EBF1: variants seen among roughly 807,000 people sequenced by gnomAD.
EBF1 encodes EBF transcription factor 1, also known as transcription factor COE1.
EBF1 carries 10 observed loss-of-function variants against 68.4 expected under a neutral mutation model. That is an observed-to-expected ratio of 0.15 (90% CI 0.09 to 0.25). EBF1 has a LOEUF of 0.25. Ranked by LOEUF, EBF1 falls within the 10% of genes least tolerant of loss-of-function variation. EBF1 has a pLI of 1.00. For synonymous variants in EBF1, 298 were observed against 299.8 expected, an observed-to-expected ratio of 0.99 and a Z score of 0.06; for missense variants, 509 against 794.4, an observed-to-expected ratio of 0.64 and a Z score of 4.32.
At chr5:158,874,886 TTCTC>T (rs1486665865) in intron 6 of EBF1, among the ~76,000 whole-genome samples, 2 of 152,198 alleles carry the variant, frequency 1.3e-5, no homozygotes, top group Non-Finnish European at 2.9e-5. Context: ...TGGTGTTATC[TTCTC>T]TATCAGTAAA....
chr5:159,022,754 C>T (rs925734468), intron 6 of EBF1, among the ~76,000 whole-genome samples: 3 of 151,944 alleles, frequency 2.0e-5, no homozygotes, highest in African/African-American at 2.4e-5. Flanking sequence ...CAATGCAACG[C>T]CACTTGTTTC....
Position 158,796,253 on chromosome 5 carries a change from CTA to C in EBF1, c.909+90_909+91del, listed in dbSNP as rs979214846. Reference sequence around the variant, plus strand: ...AGCTGGCCCACCCAGAGCGGCACCACTAGAGTCTACACATTCTATTAGAAATT... The same window carrying C: ...AGCTGGCCCACCCAGAGCGGCACCACGAGTCTACACATTCTATTAGAAATT... On this transcript the variant is annotated intron_variant, in intron 9 of 15. Coordinates refer to ENST00000313708, the MANE Select transcript of EBF1 (RefSeq NM_024007.5). 42 of 1,363,294 alleles carry C rather than the reference CTA, an allele frequency of 3.1e-5. No individual in the cohort carries two copies. The African/African-American group carries it at 4.5e-4, about 15-fold the overall frequency. The allele number at this position is 1,363,294 out of a possible 1,614,324, so 84.4% of individuals were successfully genotyped here.
intron 11 of EBF1, among the ~76,000 whole-genome samples, chr5:158,719,148 C>T (rs553893967): frequency 6.6e-6 from 1 of 152,108 alleles, no homozygotes; most frequent in South Asian, 2.1e-4. Context: ...CTCTTAAATC[C>T]AATATATAAA....
intron 6 of EBF1, among the ~76,000 whole-genome samples, chr5:158,873,273 T>C (rs1797215238): frequency 6.6e-6 from 1 of 152,120 alleles, no homozygotes; most frequent in South Asian, 2.1e-4. Context: ...AAAGTGCACG[T>C]CTTTACCCCC....
chr5:158,865,563 C>A (rs1047157915), intron 6 of EBF1, among the ~76,000 whole-genome samples: 2 of 152,136 alleles, frequency 1.3e-5, no homozygotes, highest in African/African-American at 2.4e-5. Flanking sequence ...AATGGGATCA[C>A]AATCATTTCC....
At chr5:158,824,790 G>A (rs1785681269) in intron 7 of EBF1, among the ~76,000 whole-genome samples, 2 of 152,216 alleles carry the variant, frequency 1.3e-5, no homozygotes, top group African/African-American at 4.8e-5. Context: ...AGTCCCCACA[G>A]TCTTCCCATA....
intron 6 of EBF1, among the ~76,000 whole-genome samples, chr5:159,063,241 A>G (rs552842228): frequency 6.2e-4 from 95 of 152,314 alleles, no homozygotes; most frequent in Non-Finnish European, 1.1e-3. Flanking sequence ...GCAATACCAC[A>G]AACAGCTAAA....
In EBF1 at chr5:158,834,578, C is replaced by G. The variant is rs188350911; in HGVS notation, c.636+5451G>C. Among the ~76,000 whole-genome samples the G allele has an allele frequency of 1.3e-3, 197 of 152,154 alleles. 1 individual carries two copies. The highest frequency in any genetic ancestry group is 4.5e-3 in the African/African-American group (186 of 41,486). ...ATACTGCCTTAAAGTATGAACACAG[C>G]CCAGCTCTGCAGAAAGTGATTAATT... On this transcript the variant is annotated intron_variant, in intron 7 of 15. Coordinates refer to ENST00000313708, the MANE Select transcript of EBF1 (RefSeq NM_024007.5).
intron 6 of EBF1, among the ~76,000 whole-genome samples, chr5:159,069,989 G>T (rs1454163737): frequency 6.6e-6 from 1 of 152,144 alleles, no homozygotes; most frequent in Non-Finnish European, 1.5e-5. Flanking sequence ...GTGTCAATAT[G>T]TAAAATCAAT....
At chr5:158,846,594 C>T (rs373920939) in intron 6 of EBF1, among the ~76,000 whole-genome samples, 1 of 152,304 alleles carries the variant, frequency 6.6e-6, no homozygotes, top group Admixed American at 6.5e-5. Flanking sequence ...ATGGATCTCC[C>T]TTGCAACAGA....
chr5:159,057,100 TTTTC>T (rs1404153674), intron 6 of EBF1, among the ~76,000 whole-genome samples: 17 of 144,010 alleles, frequency 1.2e-4, no homozygotes, highest in African/African-American at 4.0e-4. Flanking sequence ...TTTTCTTTTC[TTTTC>T]TTTTTTTTTT....
At chr5:158,909,624 T>C (rs1805455238) in intron 6 of EBF1, among the ~76,000 whole-genome samples, 3 of 152,058 alleles carry the variant, frequency 2.0e-5, no homozygotes, top group South Asian at 2.1e-4. Flanking sequence ...ATGAGAGTTC[T>C]TACAGTTACA....
At chr5:158,795,520 T>C (rs902159148) in intron 9 of EBF1, among the ~76,000 whole-genome samples, 1 of 152,214 alleles carries the variant, frequency 6.6e-6, no homozygotes, top group Admixed American at 6.5e-5. Context: ...CTATGGTACC[T>C]TGTAACCCTA....
chr5:158,714,299 C>T (rs1422307557), intron 11 of EBF1, 117 bp from the exon 12 acceptor site: 12 of 1,175,498 alleles, frequency 1.0e-5, no homozygotes, highest in South Asian at 2.6e-5. Context: ...CTATAAAGGC[C>T]GTAGCTTGGG....
At position 158,712,571 on chromosome 5, in the gene EBF1, A is replaced by G. The variant is rs548940804; in HGVS notation, c.1370-238T>C. Among the ~76,000 whole-genome samples the G allele has an allele frequency of 2.0e-5, 3 of 152,318 alleles. No homozygotes were observed. The South Asian group carries it at 6.2e-4, about 32-fold the overall frequency. On this transcript the variant is annotated intron_variant, in intron 13 of 15. Coordinates refer to ENST00000313708, the MANE Select transcript of EBF1 (RefSeq NM_024007.5). ...CTTAGCAGGGCCGTGAGAAATGGCA[A>G]TGCTGGGCCTATAAATTATCATTTT...
intron 6 of EBF1, among the ~76,000 whole-genome samples, chr5:159,073,009 G>T (rs556186409): frequency 1.3e-5 from 2 of 152,270 alleles, no homozygotes; most frequent in Admixed American, 1.3e-4. Flanking sequence ...GTAGCTAAAA[G>T]TGATAATGAT....
chr5:158,895,836 A>C lies in EBF1; in HGVS notation c.555-55726T>G, dbSNP rs552177740. Among the ~76,000 whole-genome samples the C allele has an allele frequency of 3.3e-5, 5 of 152,338 alleles. No homozygotes were observed. In the East Asian group the frequency reaches 9.6e-4, roughly 29 times the overall value. ...GCTGCTGAAATGCAACTCAACTTCC[A>C]AGTTCTAAAAATAAAACTCCTGAGA... On this transcript the variant is annotated intron_variant, in intron 6 of 15. Coordinates refer to ENST00000313708, the MANE Select transcript of EBF1 (RefSeq NM_024007.5).
At chr5:159,075,402 G>A (rs1778583665) in intron 5 of EBF1, among the ~76,000 whole-genome samples, 1 of 152,162 alleles carries the variant, frequency 6.6e-6, no homozygotes, top group African/African-American at 2.4e-5. Flanking sequence ...ACCCATGGAG[G>A]AAAACTGCCG....
At chr5:159,094,903 C>T (rs1168566010) in intron 4 of EBF1, among the ~76,000 whole-genome samples, 1 of 152,162 alleles carries the variant, frequency 6.6e-6, no homozygotes, top group African/African-American at 2.4e-5. Flanking sequence ...TGACTCGGCT[C>T]ATAATTGTAT....
Sources: allele counts gnomAD v4.1 joint callset (sites outside exome capture counted in the v4.1 genomes callset), GRCh38; gene constraint gnomAD v4.1.1; transcripts MANE v1.5; gene names NCBI Gene and HGNC (gene_info 2026-07-23, HGNC 2026-07-21).